Variants in CACNA2D1 observed in about 807,000 individuals in gnomAD.
CACNA2D1 encodes calcium voltage-gated channel auxiliary subunit alpha2delta 1.
Under a neutral mutation model 171.5 loss-of-function variants are expected in CACNA2D1, and 53 were observed. That is an observed-to-expected ratio of 0.31 (90% CI 0.25 to 0.39). The LOEUF (loss-of-function observed/expected upper bound fraction) is 0.39. Among genes scored for constraint, CACNA2D1 ranks in the 10% least tolerant of loss-of-function variants. The probability of loss-of-function intolerance (pLI) is 1.00; values close to 1 mark genes in which losing one functional copy is unlikely to be tolerated. For synonymous variants in CACNA2D1, 442 were observed against 443.1 expected (o/e 1.00, Z 0.03); for missense variants, 903 against 1,299.8 (o/e 0.69, Z 4.69).
intron 3 of CACNA2D1, among the ~76,000 whole-genome samples, chr7:82,278,341 G>A (rs1320014617): frequency 1.3e-5 from 2 of 152,032 alleles, no homozygotes; most frequent in Non-Finnish European, 2.9e-5. Flanking sequence ...CACTTTGGGA[G>A]GCCAAGGCAG....
intron 6 of CACNA2D1, among the ~76,000 whole-genome samples, chr7:82,116,534 G>A (rs1789062403): frequency 6.6e-6 from 1 of 152,108 alleles, no homozygotes; most frequent in South Asian, 2.1e-4. Context: ...ACATTGAGAG[G>A]AAGGTACTCT....
intron 6 of CACNA2D1, among the ~76,000 whole-genome samples, chr7:82,111,390 A>G (rs1788387876): frequency 7.5e-6 from 1 of 132,700 alleles, no homozygotes; most frequent in East Asian, 2.2e-4. Flanking sequence ...ATATGTGTAT[A>G]TATGTATATA....
intron 6 of CACNA2D1, among the ~76,000 whole-genome samples, chr7:82,099,116 C>T (rs902531367): frequency 7.9e-5 from 12 of 152,012 alleles, no homozygotes; most frequent in African/African-American, 2.9e-4. Context: ...ACTTTCTTGT[C>T]AGTTTGCATT....
intron 25 of CACNA2D1, among the ~76,000 whole-genome samples, chr7:81,972,463 T>A (rs1190405912): frequency 1.3e-5 from 2 of 151,804 alleles, no homozygotes; most frequent in Non-Finnish European, 2.9e-5. Context: ...GAGCAAGGAA[T>A]GGAATGAGCA....
chr7:82,413,089 A>G (rs534189963), intron 1 of CACNA2D1, among the ~76,000 whole-genome samples: 100 of 152,226 alleles, frequency 6.6e-4, no homozygotes, highest in Admixed American at 1.7e-3. Context: ...TATTATTTCT[A>G]TGTTTTCATG....
intron 6 of CACNA2D1, among the ~76,000 whole-genome samples, chr7:82,106,876 TCTC>T (rs1354475279): frequency 1.3e-5 from 2 of 152,096 alleles, no homozygotes; most frequent in African/African-American, 2.4e-5. Context: ...TGGGCATTGT[TCTC>T]CTAATTAGAT....
intron 1 of CACNA2D1, among the ~76,000 whole-genome samples, chr7:82,362,387 T>C (rs116562951): frequency 0.015 from 2,210 of 152,258 alleles, 44 homozygotes; most frequent in Middle Eastern, 0.075. Context: ...TCATATGTGA[T>C]TCAGCAGCCT....
intron 1 of CACNA2D1, among the ~76,000 whole-genome samples, chr7:82,389,167 C>T (rs1482539197): frequency 2.1e-5 from 3 of 140,732 alleles, no homozygotes; most frequent in African/African-American, 2.8e-5. Flanking sequence ...TATATATATA[C>T]ACACACACAC....
At chr7:81,970,625 G>C in intron 27 of CACNA2D1, 50 bp downstream of exon 27, 2 of 958,836 alleles carry the variant, frequency 2.1e-6, no homozygotes, top group Non-Finnish European at 3.4e-6. Context: ...CAAATCCTTG[G>C]CGCAGTCTTT....
intron 10 of CACNA2D1, among the ~76,000 whole-genome samples, chr7:82,039,164 G>T (rs1360092173): frequency 2.0e-5 from 3 of 152,102 alleles, no homozygotes; most frequent in Non-Finnish European, 4.4e-5. Context: ...GGACTGGCCA[G>T]ATAAAATGTT....
intron 3 of CACNA2D1, among the ~76,000 whole-genome samples, chr7:82,245,024 T>C (rs1442243373): frequency 6.6e-6 from 1 of 152,138 alleles, no homozygotes; most frequent in Non-Finnish European, 1.5e-5. Flanking sequence ...GAATTATACA[T>C]AGGAAAAAAT....
chr7:82,303,930 T>G (rs1196019122), intron 3 of CACNA2D1, among the ~76,000 whole-genome samples: 1 of 151,846 alleles, frequency 6.6e-6, no homozygotes, highest in Non-Finnish European at 1.5e-5. Context: ...GACAACCTAT[T>G]GAAGGGGAGA....
intron 16 of CACNA2D1, among the ~76,000 whole-genome samples, chr7:82,006,238 C>T (rs1021588031): frequency 2.6e-5 from 4 of 151,930 alleles, no homozygotes; most frequent in African/African-American, 9.7e-5. Context: ...GAATGTCCAG[C>T]TTAAAGATTA....
chr7:82,086,786 T>G (rs1261278747), intron 6 of CACNA2D1, among the ~76,000 whole-genome samples: 1 of 152,114 alleles, frequency 6.6e-6, no homozygotes, highest in African/African-American at 2.4e-5. Flanking sequence ...TTAATAAAGT[T>G]TTATTTGTTT....
chr7:81,974,549 ATC>A lies in CACNA2D1; in HGVS notation c.1957_1958del (p.Asp653LeufsTer4). 1 of 1,459,106 alleles carries A rather than the reference ATC, an allele frequency of 6.9e-7. No homozygotes were observed. Among genetic ancestry groups the A allele is most frequent in the Non-Finnish European group, 9.6e-7 (1 of 1,043,490 alleles). The allele number at this position is 1,459,106 out of a possible 1,614,324, so 90.4% of individuals were successfully genotyped here. ...ESGYTFIAPR[D>X]YCNDLKISDN... ...CCGATATTTTCAGGTCATTGCAGTA[ATC>A]TCTGAAAAAAAAACATTTTGAGATA... is the stretch of plus-strand genomic sequence containing the variant. On this transcript the variant is annotated frameshift_variant and splice_region_variant, in exon 25 of 39. Coordinates refer to ENST00000356860, the MANE Select transcript of CACNA2D1 (RefSeq NM_000722.4). LOFTEE classifies it high-confidence loss of function.
chr7:82,045,290 T>C (rs927679623), intron 10 of CACNA2D1, among the ~76,000 whole-genome samples: 6 of 152,162 alleles, frequency 3.9e-5, no homozygotes. Flanking sequence ...TTGAATTTGA[T>C]TGCTAGCAAA....
rs753580116 is a variant in CACNA2D1, at chr7:81,967,225, G to A, written c.2464-18C>T. ...CCAGCACACTGAAAGACAAAAATGC[G>A]ATTATCACCTCACTTTTAAAAGTTG... On this transcript the variant is annotated intron_variant, in intron 30 of 38. Coordinates refer to ENST00000356860, the MANE Select transcript of CACNA2D1 (RefSeq NM_000722.4). The A allele has an allele frequency of 1.1e-5, 18 of 1,595,586 alleles. No individual in the cohort carries two copies. Among genetic ancestry groups the A allele is most frequent in the African/African-American group, 2.7e-5 (2 of 74,338 alleles).
chr7:82,209,541 G>A (rs1057287354), intron 3 of CACNA2D1, among the ~76,000 whole-genome samples: 1 of 152,052 alleles, frequency 6.6e-6, no homozygotes, highest in African/African-American at 2.4e-5. Context: ...CAATCAAACC[G>A]CCTCATAAGC....
In CACNA2D1 at chr7:82,321,268, G is replaced by A. The variant is rs1221808788; in HGVS notation, c.294+13867C>T. 2.6e-5 allele frequency among the ~76,000 whole-genome samples: 4 copies of A among 152,154 alleles called. No individual in the cohort carries two copies. The East Asian group carries it at 5.8e-4, about 22-fold the overall frequency. ...ACAAAAATTAGCCCGGCATGGTGGT[G>A]CGCGCTTGTAACCCCAGGTACTCGG... On this transcript the variant is annotated intron_variant, in intron 3 of 38. Coordinates refer to ENST00000356860, the MANE Select transcript of CACNA2D1 (RefSeq NM_000722.4).
Sources: gnomAD v4.1 joint callset for allele counts (sites outside exome capture counted in the v4.1 genomes callset) on GRCh38, gnomAD v4.1.1 for gene constraint, MANE v1.5 for transcripts, NCBI Gene and HGNC (gene_info 2026-07-23, HGNC 2026-07-21) for gene names.